Variants in PAFAH1B1 observed in about 807,000 individuals in gnomAD.
PAFAH1B1 encodes platelet activating factor acetylhydrolase 1b regulatory subunit 1.
A neutral mutation model predicts 57.5 loss-of-function variants in PAFAH1B1; 2 were observed. The ratio of observed to expected loss-of-function variants is 0.03; its 90% CI spans 0.01 to 0.11. The LOEUF is 0.11. Among genes scored for constraint, PAFAH1B1 ranks in the 10% least tolerant of loss-of-function variants. The pLI is 1.00. For synonymous variants in PAFAH1B1, 152 were observed against 169.6 expected, an observed-to-expected ratio of 0.90 and a Z score of 0.81; for missense variants, 257 against 512.0, an observed-to-expected ratio of 0.50 and a Z score of 4.81.
At chr17:2,639,209 C>G (rs1477351739) in intron 2 of PAFAH1B1, 1 of 152,046 alleles carries the variant, frequency 6.6e-6, no homozygotes, top group Non-Finnish European at 1.5e-5. Flanking sequence ...CTAAGCTTAT[C>G]TTTTAAAATA....
intron 1 of PAFAH1B1, chr17:2,613,613 C>G (rs2068295325): frequency 6.9e-6 from 2 of 288,956 alleles, no homozygotes; most frequent in Non-Finnish European, 7.0e-6. Context: ...CAGGGTCTCC[C>G]CTTCGATCCC....
intron 8 of PAFAH1B1, 71 bp downstream of exon 8, chr17:2,674,359 C>G: frequency 8.4e-7 from 1 of 1,186,732 alleles, no homozygotes. Flanking sequence ...TTTGCTAATT[C>G]CCTGTTTCAG....
At chr17:2,638,857 GC>G (rs2068658413) in intron 2 of PAFAH1B1, among the ~76,000 whole-genome samples, 1 of 151,540 alleles carries the variant, frequency 6.6e-6, no homozygotes, top group South Asian at 2.1e-4. Flanking sequence ...TAAGTTTAAC[GC>G]AAAACAGACA....
intron 2 of PAFAH1B1, among the ~76,000 whole-genome samples, chr17:2,657,209 G>A (rs1015509630): frequency 1.5e-4 from 23 of 152,100 alleles, no homozygotes; most frequent in African/African-American, 5.3e-4. Flanking sequence ...AGACCTTTCC[G>A]TTAATGAGGA....
At chr17:2,669,577 C>T (rs2069152660) in intron 5 of PAFAH1B1, among the ~76,000 whole-genome samples, 1 of 152,172 alleles carries the variant, frequency 6.6e-6, no homozygotes, top group Non-Finnish European at 1.5e-5. Flanking sequence ...TTTTTTAACT[C>T]AAAATGACAT....
At chr17:2,664,674 C>CTCTCTCTCTCTCTA (rs1454811864) in intron 2 of PAFAH1B1, among the ~76,000 whole-genome samples, 1 of 115,218 alleles carries the variant, frequency 8.7e-6, no homozygotes, top group Non-Finnish European at 2.1e-5. Context: ...CGCTCTCTCT[C>CTCTCTCTCTCTCTA]TCTCTCTCTC....
intron 2 of PAFAH1B1, among the ~76,000 whole-genome samples, chr17:2,657,329 C>T (rs924262253): frequency 2.6e-5 from 4 of 152,100 alleles, no homozygotes; most frequent in Non-Finnish European, 5.9e-5. Context: ...CTGCAATACT[C>T]CACCTCCCAG....
chr17:2,639,297 T>G (rs573821814), intron 2 of PAFAH1B1: 41 of 152,300 alleles, frequency 2.7e-4, no homozygotes, highest in African/African-American at 9.1e-4. Context: ...ATTAGAAAAA[T>G]GAAAGCTGTT....
chr17:2,637,910 T>C (rs1232651587), intron 1 of PAFAH1B1, among the ~76,000 whole-genome samples, 189 bp from the exon 2 acceptor site: 2 of 152,206 alleles, frequency 1.3e-5, no homozygotes, highest in African/African-American at 2.4e-5. Flanking sequence ...CTCATTGAAT[T>C]ATTAATTTAA....
At chr17:2,649,569 G>T (rs370482981) in intron 2 of PAFAH1B1, among the ~76,000 whole-genome samples, 1 of 152,050 alleles carries the variant, frequency 6.6e-6, no homozygotes, top group Admixed American at 6.6e-5. Context: ...GTAAGACTCC[G>T]TCTCAAAATA....
intron 2 of PAFAH1B1, chr17:2,659,361 A>T (rs1490428632): frequency 8.5e-6 from 2 of 235,496 alleles, no homozygotes; most frequent in East Asian, 3.2e-4. Flanking sequence ...ATATGGTGAA[A>T]CCCCGTCTCT....
intron 1 of PAFAH1B1, among the ~76,000 whole-genome samples, chr17:2,627,106 A>C (rs930539365): frequency 6.6e-6 from 1 of 152,116 alleles, no homozygotes; most frequent in Non-Finnish European, 1.5e-5. Flanking sequence ...ATTAGGTCCC[A>C]GCTATTTATC....
intron 5 of PAFAH1B1, 79 bp from the exon 6 acceptor site, chr17:2,670,084 A>G: frequency 8.7e-7 from 1 of 1,154,744 alleles, no homozygotes; most frequent in African/African-American, 1.5e-5. Context: ...AAGGTGCCAG[A>G]CTGGCCTGCT....
chr17:2,631,993 A>G (rs559528775), intron 1 of PAFAH1B1, among the ~76,000 whole-genome samples: 10 of 152,346 alleles, frequency 6.6e-5, no homozygotes, highest in African/African-American at 1.9e-4. Context: ...ACAGTTAGCA[A>G]TTCAAAGCCT....
intron 3 of PAFAH1B1, 103 bp from the exon 4 acceptor site, chr17:2,665,913 A>G (rs1357242089): frequency 1.8e-5 from 21 of 1,199,710 alleles, no homozygotes; most frequent in East Asian, 5.8e-5. Flanking sequence ...CCCTTTTTTT[A>G]TAATCAGATT....
chr17:2,613,291 C>A, intron 1 of PAFAH1B1: 1 of 212,644 alleles, frequency 4.7e-6, no homozygotes. Context: ...AGCACAGAGG[C>A]TGGGAAGGGT....
Position 2,684,315 on chromosome 17 carries a change from T to C in PAFAH1B1, c.*2513T>C, listed in dbSNP as rs987556277. 2 of 152,896 alleles carry C rather than the reference T, an allele frequency of 1.3e-5. No individual in the cohort carries two copies. The highest frequency in any genetic ancestry group is 3.9e-4 in the East Asian group (2 of 5,192). The allele number at this position is 152,896 out of a possible 1,614,324, so 9.5% of individuals were successfully genotyped here. ...CTGTCCTGTTGATGCCCTTTCTGACTGTGTTCTCTGTTTTCTCTGTCTGCT... is the reference window on the plus strand; with the variant it reads ...CTGTCCTGTTGATGCCCTTTCTGACCGTGTTCTCTGTTTTCTCTGTCTGCT... On this transcript the variant is annotated 3_prime_UTR_variant, in exon 11 of 11. Coordinates refer to ENST00000397195, the MANE Select transcript of PAFAH1B1 (RefSeq NM_000430.4).
At position 2,685,397 on chromosome 17, in the gene PAFAH1B1, GGT is replaced by G. The variant is rs1216891226; in HGVS notation, c.*3596_*3597del. On this transcript the variant is annotated 3_prime_UTR_variant, in exon 11 of 11. Transcript: ENST00000397195. Reference sequence around the variant, plus strand: ...GATTTCGTATGAACGTTGCTGAAGTGGTAATTGAGGAAAACAGTTCCCCAGAT... The same window carrying G: ...GATTTCGTATGAACGTTGCTGAAGTGAATTGAGGAAAACAGTTCCCCAGAT... The G allele has an allele frequency of 6.6e-6, 1 of 152,248 alleles. No individual in the cohort carries two copies. Among genetic ancestry groups the G allele is most frequent in the Non-Finnish European group, 1.5e-5 (1 of 68,004 alleles). The allele number at this position is 152,248 out of a possible 1,614,324, so 9.4% of individuals were successfully genotyped here.
intron 1 of PAFAH1B1, among the ~76,000 whole-genome samples, chr17:2,606,308 T>C (rs934397642): frequency 6.6e-6 from 1 of 152,154 alleles, no homozygotes; most frequent in Non-Finnish European, 1.5e-5. Context: ...TTGTTACCTG[T>C]CAGAAAGCCT....
Sources: gnomAD v4.1 joint callset for allele counts (sites outside exome capture counted in the v4.1 genomes callset) on GRCh38, gnomAD v4.1.1 for gene constraint, MANE v1.5 for transcripts, NCBI Gene and HGNC (gene_info 2026-07-23, HGNC 2026-07-21) for gene names.